Variants in RADIL observed in about 807,000 individuals in gnomAD.
The protein encoded by RADIL is Rap associating with DIL domain, also known as ras-associating and dilute domain-containing protein.
RADIL carries 99 observed loss-of-function variants against 97.6 expected under a neutral mutation model. That is an observed-to-expected ratio of 1.01 (90% confidence interval 0.86 to 1.20). The LOEUF (loss-of-function observed/expected upper bound fraction) is 1.20. Among genes scored for constraint, RADIL ranks in the 50% most tolerant of loss-of-function variants. The pLI is 0.00. For synonymous variants in RADIL, 803 were observed against 691.8 expected (o/e 1.16, Z -2.52); for missense variants, 1,765 against 1,498.9 (o/e 1.18, Z -2.93).
In RADIL at chr7:4,877,632, C is replaced by T. The variant is rs1217778780; in HGVS notation, c.508G>A (p.Ala170Thr). Residue 170 changes from alanine (A) to threonine (T), a missense_variant, in exon 2 of 15, where the codon GCC becomes ACC. By Grantham distance (58) the Ala-to-Thr change is moderately conservative. Coordinates refer to ENST00000399583, the MANE Select transcript of RADIL (RefSeq NM_018059.5). ...GCCGTGATGGTGTCCACCTCCTTGG[C>T]TGCCAGCTCCTCCACGTCCGACCTC... ...RKRSDVEELA[A>T]KEVDTITAGI... 1 of 1,607,146 alleles carries T rather than the reference C, an allele frequency of 6.2e-7. No individual in the cohort carries two copies. The highest frequency in any genetic ancestry group is 8.5e-7 in the Non-Finnish European group (1 of 1,176,876).
chr7:4,863,791 A>G (rs750863895), intron 2 of RADIL, among the ~76,000 whole-genome samples: 3 of 152,282 alleles, frequency 2.0e-5, no homozygotes, highest in Middle Eastern at 3.4e-3. Flanking sequence ...AGGGGTCTCA[A>G]TTCTAACTCC....
Position 4,834,852 on chromosome 7 carries a change from C to CGGGA in RADIL, c.1170_1171insTCCC (p.Ala391SerfsTer21). 3.0e-6 allele frequency: 4 copies of CGGGA among 1,317,028 alleles called. No homozygotes were observed. The highest frequency in any genetic ancestry group is 3.9e-6 in the Non-Finnish European group (4 of 1,032,542). The allele number at this position is 1,317,028 out of a possible 1,614,324, so 81.6% of individuals were successfully genotyped here. On this transcript the variant is annotated frameshift_variant, in exon 4 of 15. Transcript: ENST00000399583. LOFTEE classifies it high-confidence loss of function. This position sits in a 1 kb window ranked among gnomAD's most constrained non-coding sequence, Gnocchi z 6.0. ...AGGGCGGCCTGAGTAGGGGAGGCGGCTCCCCGGGCCCCGAGCGCGGCCCCG... is the reference window on the plus strand; with the variant it reads ...AGGGCGGCCTGAGTAGGGGAGGCGGCGGGATCCCCGGGCCCCGAGCGCGGCCCCG...
At position 4,799,252 on chromosome 7, in the gene RADIL, C is replaced by A. The variant is rs1781994703; in HGVS notation, c.*126G>T. ...TGCATGTTATCAACAGGCATGTCCC[C>A]AGGGTGAGGCTCCCCACCCGGGACC... On this transcript the variant is annotated 3_prime_UTR_variant, in exon 15 of 15. Coordinates refer to ENST00000399583, the MANE Select transcript of RADIL (RefSeq NM_018059.5). 1.3e-6 allele frequency: 1 copy of A among 773,004 alleles called. No homozygotes were observed. Among genetic ancestry groups the A allele is most frequent in the Non-Finnish European group, 2.2e-6 (1 of 463,088 alleles). The allele number at this position is 773,004 out of a possible 1,614,324, so 47.9% of individuals were successfully genotyped here.
chr7:4,845,208 C>G (rs1346003974), intron 2 of RADIL, among the ~76,000 whole-genome samples: 2 of 152,096 alleles, frequency 1.3e-5, no homozygotes, highest in Non-Finnish European at 2.9e-5. Flanking sequence ...TCACTTGAAG[C>G]CAGGAGTTTG....
chr7:4,877,887 C>T lies in RADIL; in HGVS notation c.253G>A (p.Gly85Ser), dbSNP rs1459472271. ...GTHYKSVLAT[G>S]TSSARELVKE... ...ACCAGCTCACGGGCGCTGGAGGTGC[C>T]GGTGGCCAGGACGCTCTTGTAGTGG... The change falls in exon 2 of 15, where the codon GGC (glycine) becomes AGC (serine). Residue 85 changes from glycine (G) to serine (S), a missense_variant. Transcript: ENST00000399583. 4.4e-6 allele frequency: 7 copies of T among 1,605,262 alleles called. No individual in the cohort carries two copies. The highest frequency in any genetic ancestry group is 2.7e-5 in the African/African-American group (2 of 74,936).
At chr7:4,826,375 G>A (rs1327286220) in intron 5 of RADIL, among the ~76,000 whole-genome samples, 1 of 152,112 alleles carries the variant, frequency 6.6e-6, no homozygotes, top group Non-Finnish European at 1.5e-5. Context: ...ACAAAAGGAG[G>A]AAGATATTAA....
chr7:4,812,824 C>T (rs919340320), intron 9 of RADIL, among the ~76,000 whole-genome samples: 4 of 152,226 alleles, frequency 2.6e-5, no homozygotes, highest in Admixed American at 2.6e-4. Context: ...GTCATCTCCT[C>T]TGCTTTCCTT....
At position 4,817,458 on chromosome 7, in the gene RADIL, G is replaced by A. The variant is rs1045581127; in HGVS notation, c.1616-107C>T. 1.9e-5 allele frequency: 18 copies of A among 943,578 alleles called. No homozygotes were observed. The highest frequency in any genetic ancestry group is 2.5e-5 in the Non-Finnish European group (16 of 632,926). The allele number at this position is 943,578 out of a possible 1,614,324, so 58.5% of individuals were successfully genotyped here. A position where few individuals can be genotyped will look rare whatever the true frequency, so the allele number is the denominator to read the frequency against. On this transcript the variant is annotated intron_variant, in intron 6 of 14. Transcript: ENST00000399583. This position sits in a 1 kb window ranked among gnomAD's most constrained non-coding sequence, Gnocchi z 8.3. ...CCCTGGCGCGGGCACCACCCAACGC[G>A]CCCATCTGGGGTCCAGATGCGATAA...
chr7:4,823,999 C>G (rs1373640859), intron 5 of RADIL, among the ~76,000 whole-genome samples: 1 of 152,258 alleles, frequency 6.6e-6, no homozygotes. Context: ...TCTCCATAAT[C>G]GCACCTGGCG....
chr7:4,860,057 C>G (rs1240981485), intron 2 of RADIL: 2 of 1,614,036 alleles, frequency 1.2e-6, no homozygotes, highest in Non-Finnish European at 1.7e-6. Context: ...AACCCCTGAA[C>G]TTTCATTGGT....
chr7:4,860,913 C>G (rs774929576), intron 2 of RADIL: 1 of 1,614,200 alleles, frequency 6.2e-7, no homozygotes, highest in East Asian at 2.2e-5. Flanking sequence ...GGGTCCCATA[C>G]AGGCAAATTA....
rs111828347 is a variant in RADIL at position 4,805,340 on chromosome 7, T to C, written c.2290+226A>G. ...GAGCCTGGAGTTTGGAACTTGGGCA[T>C]GGACTCTCGGCTCCTTGACTCCCCC... is the stretch of plus-strand genomic sequence containing the variant. On this transcript the variant is annotated intron_variant, in intron 10 of 14. Transcript: ENST00000399583. 8.9e-4 allele frequency: 417 copies of C among 470,154 alleles called. 8 individuals are homozygous for C. Among genetic ancestry groups the C allele is most frequent in the African/African-American group, 7.5e-3 (384 of 51,236 alleles). 29.1% of individuals were successfully genotyped at this position (470,154 alleles called of 1,614,324 possible).
In RADIL at chr7:4,814,051, A is replaced by T. The variant is rs1043757213; in HGVS notation, c.2139+1227T>A. 1.3e-5 allele frequency among the ~76,000 whole-genome samples: 2 copies of T among 152,124 alleles called. No individual in the cohort carries two copies. Among genetic ancestry groups the T allele is most frequent in the African/African-American group, 4.8e-5 (2 of 41,432 alleles). Reference sequence around the variant, plus strand: ...CACCTCAGCCTCTCAAAGCACTGGGAGGACAGGCATGAGCCACCGTGCCTG... The same window carrying T: ...CACCTCAGCCTCTCAAAGCACTGGGTGGACAGGCATGAGCCACCGTGCCTG... On this transcript the variant is annotated intron_variant, in intron 9 of 14. Transcript: ENST00000399583. This position sits in a 1 kb window ranked among gnomAD's most constrained non-coding sequence, Gnocchi z 4.5.
intron 10 of RADIL, chr7:4,805,333 T>G (rs1782265436): frequency 1.5e-5 from 7 of 453,344 alleles, no homozygotes; most frequent in Non-Finnish European, 3.8e-6. Flanking sequence ...AGTTTGGAAC[T>G]TGGGCATGGA....
chr7:4,877,430 G>C (rs955305285), intron 2 of RADIL, among the ~76,000 whole-genome samples, 175 bp downstream of exon 2: 3 of 152,238 alleles, frequency 2.0e-5, no homozygotes, highest in African/African-American at 7.2e-5. Context: ...GCAAGACCCT[G>C]TCTCAGAGAA....
chr7:4,843,288 T>C (rs1783492257), intron 2 of RADIL, among the ~76,000 whole-genome samples: 3 of 151,862 alleles, frequency 2.0e-5, no homozygotes, highest in African/African-American at 7.3e-5. Context: ...GCTGGGATTA[T>C]AGGTGTGAGC....
Position 4,880,371 on chromosome 7 carries a change from C to T in RADIL, c.-64-2168G>A, listed in dbSNP as rs1784459516. On this transcript the variant is annotated intron_variant, in intron 1 of 14. Coordinates refer to ENST00000399583, the MANE Select transcript of RADIL (RefSeq NM_018059.5). This position sits in a 1 kb window ranked among gnomAD's most constrained non-coding sequence, Gnocchi z 4.5. Reference sequence around the variant, plus strand: ...CAAAAGCATTTTCAGACAGTGCTCACATCACAAACGTGCGGCCTGGCCTGT... The same window carrying T: ...CAAAAGCATTTTCAGACAGTGCTCATATCACAAACGTGCGGCCTGGCCTGT... Among the ~76,000 whole-genome samples the T allele has an allele frequency of 6.6e-6, 1 of 152,198 alleles. No individual in the cohort carries two copies. The highest frequency in any genetic ancestry group is 2.1e-4 in the South Asian group (1 of 4,832).
chr7:4,821,145 G>A lies in RADIL; in HGVS notation c.1615+1249C>T, dbSNP rs1562436405. 6.6e-6 allele frequency among the ~76,000 whole-genome samples: 1 copy of A among 152,190 alleles called. No homozygotes were observed. On this transcript the variant is annotated intron_variant, in intron 6 of 14. Transcript: ENST00000399583. This position sits in a 1 kb window ranked among gnomAD's most constrained non-coding sequence, Gnocchi z 5.2. ...GGGCCTGCGCCTCCCTCGAAGCTCA[G>A]AGACGCAGCCTGGAGCAGCTCTGAA... is the stretch of plus-strand genomic sequence containing the variant.
chr7:4,837,900 T>G lies in RADIL; in HGVS notation c.536-1295A>C. 1 of 985,424 alleles carries G rather than the reference T, an allele frequency of 1.0e-6. No individual in the cohort carries two copies. 61.0% of individuals were successfully genotyped at this position (985,424 alleles called of 1,614,324 possible). On this transcript the variant is annotated intron_variant, in intron 2 of 14. Transcript: ENST00000399583. This position sits in a 1 kb window ranked among gnomAD's most constrained non-coding sequence, Gnocchi z 5.6. ...GTTCCCTGTACGCAGCCTTTCAGGTTAAGATCCATCCCCATCTGTGGCGGC... is the reference window on the plus strand; with the variant it reads ...GTTCCCTGTACGCAGCCTTTCAGGTGAAGATCCATCCCCATCTGTGGCGGC...
Sources: allele counts gnomAD v4.1 joint callset (sites outside exome capture counted in the v4.1 genomes callset), GRCh38; gene constraint gnomAD v4.1.1; non-coding constraint Gnocchi (gnomAD v3.1); transcripts MANE v1.5; gene names NCBI Gene and HGNC (gene_info 2026-07-23, HGNC 2026-07-21).